The following ARSB variants were observed in gnomAD, a reference collection of about 807,000 sequenced individuals.
The protein encoded by ARSB is arylsulfatase B.
A neutral mutation model predicts 50.9 loss-of-function variants in ARSB; 41 were observed. That is an observed-to-expected ratio of 0.81 (90% CI 0.63 to 1.04). The LOEUF (loss-of-function observed/expected upper bound fraction) is 1.04, where lower values mean the gene tolerates loss of function less well. Among genes scored for constraint, ARSB ranks in the 50% least tolerant of loss-of-function variants. The pLI is 0.00. For synonymous variants in ARSB, 269 were observed against 284.8 expected (o/e 0.94, Z 0.56); for missense variants, 672 against 693.3 (o/e 0.97, Z 0.35).
At chr5:78,871,824 A>T (rs1747200333) in intron 5 of ARSB, among the ~76,000 whole-genome samples, 1 of 131,360 alleles carries the variant, frequency 7.6e-6, no homozygotes, top group African/African-American at 2.5e-5. Context: ...ATGGGATCTA[A>T]TTAAACTAAA....
At chr5:78,966,247 C>G (rs1752200775) in intron 2 of ARSB, among the ~76,000 whole-genome samples, 1 of 152,188 alleles carries the variant, frequency 6.6e-6, no homozygotes, top group Admixed American at 6.5e-5. Flanking sequence ...CTTGGCAAAA[C>G]TAATACCAAG....
intron 6 of ARSB, among the ~76,000 whole-genome samples, chr5:78,800,505 T>C (rs1743346921): frequency 2.0e-5 from 3 of 152,148 alleles, no homozygotes; most frequent in Admixed American, 2.0e-4. Flanking sequence ...CAGGGGGTTA[T>C]ACATTAAAAT....
At chr5:78,785,598 C>A (rs770128086) in intron 6 of ARSB, among the ~76,000 whole-genome samples, 1 of 152,140 alleles carries the variant, frequency 6.6e-6, no homozygotes, top group Non-Finnish European at 1.5e-5. Context: ...GCTGTTAGTA[C>A]CTGCATAATA....
chr5:78,925,244 A>C (rs1749994258), intron 4 of ARSB, among the ~76,000 whole-genome samples: 1 of 152,244 alleles, frequency 6.6e-6, no homozygotes, highest in South Asian at 2.1e-4. Flanking sequence ...CCCAAAATCA[A>C]TTAGTGCTTC....
intron 5 of ARSB, among the ~76,000 whole-genome samples, chr5:78,880,364 A>C (rs556089073): frequency 3.9e-5 from 6 of 152,328 alleles, no homozygotes; most frequent in African/African-American, 1.4e-4. Context: ...CTCAAAATGA[A>C]TTCAACTATT....
At chr5:78,797,486 C>T (rs1486373733) in intron 6 of ARSB, among the ~76,000 whole-genome samples, 3 of 152,230 alleles carry the variant, frequency 2.0e-5, no homozygotes, top group Non-Finnish European at 4.4e-5. Context: ...TTCCTTCTCA[C>T]ATCATTCCTT....
intron 5 of ARSB, among the ~76,000 whole-genome samples, chr5:78,869,578 A>T (rs1284756640): frequency 6.6e-6 from 1 of 151,692 alleles, no homozygotes; most frequent in African/African-American, 2.4e-5. Context: ...GTACATAACG[A>T]AATGAAGGCA....
intron 6 of ARSB, among the ~76,000 whole-genome samples, chr5:78,821,433 G>A (rs71634931): frequency 0.039 from 5,973 of 152,202 alleles, 203 homozygotes; most frequent in Middle Eastern, 0.068. Flanking sequence ...CCACTGCACT[G>A]GGCCAATTTT....
rs148555356 is a variant in ARSB, at chr5:78,804,943, C to G, written c.1214-22969G>C. Among the ~76,000 whole-genome samples, 398 of 152,344 alleles carry G rather than the reference C, an allele frequency of 2.6e-3. 4 individuals carry two copies. The highest frequency in any genetic ancestry group is 0.016 in the Admixed American group (239 of 15,306). On this transcript the variant is annotated intron_variant, in intron 6 of 7. Coordinates refer to ENST00000264914, the MANE Select transcript of ARSB (RefSeq NM_000046.5). ...TTCATATTACACATAGCACTTTGCT[C>G]AGAAAGAGTCACATGTATATTTGCC...
At chr5:78,794,276 C>T (rs910506245) in intron 6 of ARSB, among the ~76,000 whole-genome samples, 3 of 152,170 alleles carry the variant, frequency 2.0e-5, no homozygotes, top group Admixed American at 2.0e-4. Flanking sequence ...ACAAAACCCA[C>T]CAGGGTTCTT....
chr5:78,972,691 A>G (rs1752506910), intron 1 of ARSB, among the ~76,000 whole-genome samples: 1 of 152,232 alleles, frequency 6.6e-6, no homozygotes. Flanking sequence ...GGAATCCAAA[A>G]GCCCCAGTGG....
Position 78,783,077 on chromosome 5 carries a change from T to C in ARSB, c.1214-1103A>G, listed in dbSNP as rs566866529. ...CTCACCTCACTCCTACTTATGCCTA[T>C]GGTTGAGGCCTAGCTGAATAACATA... On this transcript the variant is annotated intron_variant, in intron 6 of 7. Coordinates refer to ENST00000264914, the MANE Select transcript of ARSB (RefSeq NM_000046.5). Among the ~76,000 whole-genome samples, 382 of 152,302 alleles carry C rather than the reference T, an allele frequency of 2.5e-3. 1 individual carries two copies. The highest frequency in any genetic ancestry group is 0.02 in the Middle Eastern group (6 of 294).
chr5:78,827,438 T>C (rs926496149), intron 6 of ARSB, among the ~76,000 whole-genome samples: 1 of 152,186 alleles, frequency 6.6e-6, no homozygotes, highest in Non-Finnish European at 1.5e-5. Flanking sequence ...CTTGAGCTCC[T>C]GGCCTCATGC....
chr5:78,816,123 C>T, intron 6 of ARSB: 1 of 1,614,124 alleles, frequency 6.2e-7, no homozygotes. Flanking sequence ...GTCTGTAAAA[C>T]ACACAAAATG....
chr5:78,908,219 A>G (rs1456411864), intron 4 of ARSB, among the ~76,000 whole-genome samples: 1 of 152,150 alleles, frequency 6.6e-6, no homozygotes, highest in Admixed American at 6.5e-5. Flanking sequence ...TGCCTCTCAC[A>G]GTTTTGTCTG....
chr5:78,943,674 T>G (rs576759090), intron 4 of ARSB, among the ~76,000 whole-genome samples: 1 of 152,230 alleles, frequency 6.6e-6, no homozygotes. Context: ...CTTCCCTTTG[T>G]GGGTAACCTG....
chr5:78,850,687 C>G (rs1476420475), intron 5 of ARSB, among the ~76,000 whole-genome samples: 2 of 152,280 alleles, frequency 1.3e-5, no homozygotes, highest in East Asian at 3.9e-4. Context: ...TCCAACTGGT[C>G]TTGGACTCTT....
At chr5:78,835,110 G>C (rs956360307) in intron 6 of ARSB, among the ~76,000 whole-genome samples, 2 of 152,082 alleles carry the variant, frequency 1.3e-5, no homozygotes, top group Non-Finnish European at 2.9e-5. Flanking sequence ...ATCTATGAGA[G>C]ATTTGGTGAC....
intron 6 of ARSB, among the ~76,000 whole-genome samples, chr5:78,794,974 A>G (rs373962495): frequency 5.7e-4 from 87 of 152,274 alleles, no homozygotes; most frequent in African/African-American, 2.0e-3. Flanking sequence ...CTCTGTAACC[A>G]TGGGCATTTT....
Sources: allele counts gnomAD v4.1 joint callset (sites outside exome capture counted in the v4.1 genomes callset), GRCh38; gene constraint gnomAD v4.1.1; transcripts MANE v1.5; gene names NCBI Gene and HGNC (gene_info 2026-07-23, HGNC 2026-07-21).